The following TOM1L1 variants were observed in gnomAD, a reference collection of about 807,000 sequenced individuals.
The protein encoded by TOM1L1 is target of myb1 like 1 membrane trafficking protein, also known as TOM1-like protein 1.
A neutral mutation model predicts 63.4 loss-of-function variants in TOM1L1; 64 were observed. That is an observed-to-expected ratio of 1.01 (90% CI 0.83 to 1.24). TOM1L1 has a LOEUF of 1.24. Ranked by LOEUF, TOM1L1 falls within the 50% of genes most tolerant of loss-of-function variation. The pLI, the probability that TOM1L1 is intolerant of heterozygous loss-of-function variation, is 0.00. For synonymous variants in TOM1L1, 166 were observed against 194.4 expected, an observed-to-expected ratio of 0.85 and a Z score of 1.22; for missense variants, 536 against 567.0, an observed-to-expected ratio of 0.95 and a Z score of 0.55.
intron 6 of TOM1L1, 23 bp downstream of exon 6, chr17:54,914,766 TTA>T: frequency 6.5e-7 from 1 of 1,547,104 alleles, no homozygotes; most frequent in Non-Finnish European, 8.9e-7. Flanking sequence ...ATCATTGCAT[TTA>T]ATTGATGTCT....
chr17:54,921,094 C>G (rs1257816345), intron 7 of TOM1L1, among the ~76,000 whole-genome samples: 1 of 152,132 alleles, frequency 6.6e-6, no homozygotes, highest in Non-Finnish European at 1.5e-5. Context: ...TGTTTGCACC[C>G]CGGGCTTTGT....
At chr17:54,909,484 T>C (rs9899545) in intron 3 of TOM1L1, among the ~76,000 whole-genome samples, 37,952 of 152,146 alleles carry the variant, frequency 0.25, 4,882 homozygotes, top group Non-Finnish European at 0.28. Context: ...AACTGTCAAC[T>C]ACCTCTTTTT....
intron 8 of TOM1L1, among the ~76,000 whole-genome samples, chr17:54,931,014 T>C (rs1273479654): frequency 6.6e-6 from 1 of 152,062 alleles, no homozygotes; most frequent in African/African-American, 2.4e-5. Flanking sequence ...CACTCCAGCC[T>C]GGGTGATGGA....
chr17:54,936,482 T>C, intron 8 of TOM1L1, 167 bp from the exon 9 acceptor site: 1 of 565,726 alleles, frequency 1.8e-6, no homozygotes, highest in Admixed American at 3.7e-5. Flanking sequence ...AGGGTATGAA[T>C]ACTCTGTAAG....
At chr17:54,934,758 C>T (rs767515546) in intron 8 of TOM1L1, among the ~76,000 whole-genome samples, 2 of 151,512 alleles carry the variant, frequency 1.3e-5, no homozygotes, top group Non-Finnish European at 2.9e-5. Context: ...TGCTTTGCTG[C>T]CCAGGCTGGA....
chr17:54,919,575 A>T (rs1252345420), intron 7 of TOM1L1, among the ~76,000 whole-genome samples: 2 of 152,174 alleles, frequency 1.3e-5, no homozygotes, highest in African/African-American at 4.8e-5. Flanking sequence ...TTTTAATGCC[A>T]GAGCTCAGGG....
chr17:54,912,391 C>T (rs1358270871), intron 3 of TOM1L1, among the ~76,000 whole-genome samples: 1 of 152,178 alleles, frequency 6.6e-6, no homozygotes, highest in African/African-American at 2.4e-5. Flanking sequence ...CTGCACGTCC[C>T]TTCAGCATTT....
chr17:54,901,774 A>T (rs567476248), intron 1 of TOM1L1, among the ~76,000 whole-genome samples: 1 of 152,258 alleles, frequency 6.6e-6, no homozygotes, highest in South Asian at 2.1e-4. Context: ...GATTTGGAAA[A>T]TTTAGATCAC....
At chr17:54,958,644 C>T (rs1197227832) in intron 14 of TOM1L1, among the ~76,000 whole-genome samples, 2 of 147,152 alleles carry the variant, frequency 1.4e-5, no homozygotes, top group African/African-American at 5.1e-5. Flanking sequence ...ATAGGAGAAT[C>T]GTTTGAACCC....
At chr17:54,920,697 G>T (rs1159239863) in intron 7 of TOM1L1, among the ~76,000 whole-genome samples, 2 of 152,358 alleles carry the variant, frequency 1.3e-5, no homozygotes, top group African/African-American at 2.4e-5. Flanking sequence ...GTCCTCTGCT[G>T]TCTGAGCCGC....
intron 8 of TOM1L1, among the ~76,000 whole-genome samples, chr17:54,931,575 G>A (rs1341947539): frequency 3.9e-5 from 6 of 152,128 alleles, no homozygotes; most frequent in African/African-American, 9.7e-5. Flanking sequence ...TGAGGTGGGC[G>A]GATTACTTGA....
intron 8 of TOM1L1, among the ~76,000 whole-genome samples, chr17:54,932,584 C>G (rs1265436884): frequency 6.6e-6 from 1 of 152,112 alleles, no homozygotes; most frequent in African/African-American, 2.4e-5. Context: ...TCATGCCTGG[C>G]TAGTTTTTGT....
chr17:54,940,465 G>C (rs992517291), intron 11 of TOM1L1, among the ~76,000 whole-genome samples: 1 of 152,138 alleles, frequency 6.6e-6, no homozygotes, highest in Non-Finnish European at 1.5e-5. Flanking sequence ...CTTTGAATCT[G>C]CAATCTTATC....
At position 54,936,684 on chromosome 17, in the gene TOM1L1, A is replaced by G. The variant is rs1392581452; in HGVS notation, c.890A>G (p.Asn297Ser). 4.4e-6 allele frequency: 7 copies of G among 1,608,244 alleles called. No individual in the cohort carries two copies. The highest frequency in any genetic ancestry group is 5.9e-6 in the Non-Finnish European group (7 of 1,178,430). The change falls in exon 9 of 16, where the codon AAT becomes AGT. Residue 297 changes from asparagine to serine, a missense_variant. Asn to Ser is a conservative substitution (Grantham distance 46). Transcript: ENST00000575882. ...AACCAACAAAGGATTTTGGAGCAAA[A>G]TAAGAACCAGAAGGAAGCCACCAAT... is the stretch of plus-strand genomic sequence containing the variant. ...TRNQQRILEQ[N>S]KNQKEATNTT... is the part of the protein sequence containing the mutation.
intron 6 of TOM1L1, among the ~76,000 whole-genome samples, chr17:54,915,397 G>C (rs1188596251): frequency 6.6e-6 from 1 of 152,010 alleles, no homozygotes; most frequent in Non-Finnish European, 1.5e-5. Context: ...AAGAAACTCA[G>C]GATAACTTTT....
Position 54,937,183 on chromosome 17 carries a change from T to A in TOM1L1, c.990T>A (p.Thr330=). The change falls in exon 10 of 16, where the codon ACT becomes ACA. Residue 330 remains threonine, a synonymous_variant. Coordinates refer to ENST00000575882, the MANE Select transcript of TOM1L1 (RefSeq NM_005486.3). ...LSPSPRMPRA[T]LGELNTMNNQ... Reference sequence around the variant, plus strand: ...CCAGTCCCCGGATGCCTAGGGCCACTCTGGGAGAACTCAACACCATGAATA... The same window carrying A: ...CCAGTCCCCGGATGCCTAGGGCCACACTGGGAGAACTCAACACCATGAATA... 3 of 1,613,730 alleles carry A rather than the reference T, an allele frequency of 1.9e-6. No individual in the cohort carries two copies. The highest frequency in any genetic ancestry group is 1.1e-5 in the South Asian group (1 of 91,070).
intron 11 of TOM1L1, among the ~76,000 whole-genome samples, chr17:54,943,180 G>A (rs1208257439): frequency 6.6e-6 from 1 of 152,012 alleles, no homozygotes; most frequent in Admixed American, 6.6e-5. Flanking sequence ...TAACTTAACT[G>A]TACTAAAAGA....
chr17:54,931,213 T>TA lies in TOM1L1; in HGVS notation c.854+1007_854+1008insA, dbSNP rs2048852766. Among the ~76,000 whole-genome samples, 2 of 152,196 alleles carry TA rather than the reference T, an allele frequency of 1.3e-5. 1 individual carries two copies. The highest frequency in any genetic ancestry group is 4.1e-4 in the South Asian group (2 of 4,832). ...GAACAGGCCTGGATTCAAATCTAGC[T>TA]GATGATTTTGGATAAGTTGCATAAC... is the stretch of plus-strand genomic sequence containing the variant. On this transcript the variant is annotated intron_variant, in intron 8 of 15. Coordinates refer to ENST00000575882, the MANE Select transcript of TOM1L1 (RefSeq NM_005486.3).
At chr17:54,955,219 A>C (rs922647168) in intron 14 of TOM1L1, 2 of 152,200 alleles carry the variant, frequency 1.3e-5, no homozygotes, top group African/African-American at 4.8e-5. Context: ...AGAGGATAAC[A>C]GGGATTTCCT....
Sources: gnomAD v4.1 joint callset for allele counts (sites outside exome capture counted in the v4.1 genomes callset) on GRCh38, gnomAD v4.1.1 for gene constraint, MANE v1.5 for transcripts, NCBI Gene and HGNC (gene_info 2026-07-23, HGNC 2026-07-21) for gene names.